Variants in ASAP1 observed in about 807,000 individuals in gnomAD.
ASAP1 encodes the protein arf-GAP with SH3 domain, ANK repeat and PH domain-containing protein 1.
Under a neutral mutation model 145.2 loss-of-function variants are expected in ASAP1, and 43 were observed. The observed-to-expected ratio is 0.30, with a 90% CI of 0.23 to 0.38. The LOEUF (loss-of-function observed/expected upper bound fraction) is 0.38, where lower values mean the gene tolerates loss of function less well. Ranked by LOEUF, ASAP1 falls within the 10% of genes least tolerant of loss-of-function variation. The pLI, the probability that ASAP1 is intolerant of heterozygous loss-of-function variation, is 1.00. For missense variants in ASAP1, 1,018 were observed against 1,355.3 expected, an observed-to-expected ratio of 0.75 and a Z score of 3.91; for synonymous variants, 546 against 515.5, an observed-to-expected ratio of 1.06 and a Z score of -0.80.
chr8:130,428,621 C>A (rs1039273347), intron 1 of ASAP1, among the ~76,000 whole-genome samples: 6 of 147,808 alleles, frequency 4.1e-5, no homozygotes, highest in Middle Eastern at 6.8e-3. Flanking sequence ...ATCATCACCA[C>A]CACCACCACC....
intron 4 of ASAP1, among the ~76,000 whole-genome samples, chr8:130,221,704 C>T (rs377341560): frequency 4.6e-5 from 7 of 152,200 alleles, no homozygotes; most frequent in Admixed American, 1.3e-4. Flanking sequence ...TGTCTTTTGT[C>T]CATATAATTT....
rs146546412 is a variant in ASAP1 at position 130,131,301 on chromosome 8, G to A, written c.1217+2995C>T. On this transcript the variant is annotated intron_variant, in intron 15 of 29. Transcript: ENST00000518721. ...AGAAATTTTTTCATTCAATTTCATC[G>A]AACACTTTCATATGAAAAATAAACT... 4.6e-5 allele frequency among the ~76,000 whole-genome samples: 7 copies of A among 152,096 alleles called. No individual in the cohort carries two copies. The East Asian group carries it at 9.6e-4, about 21-fold the overall frequency.
At chr8:130,119,742 A>C (rs2097562542) in intron 18 of ASAP1, among the ~76,000 whole-genome samples, 1 of 152,116 alleles carries the variant, frequency 6.6e-6, no homozygotes, top group Non-Finnish European at 1.5e-5. Flanking sequence ...TAAATCTTTT[A>C]GTTCTACAGC....
chr8:130,145,991 G>C (rs1293416116), intron 13 of ASAP1, among the ~76,000 whole-genome samples: 1 of 149,892 alleles, frequency 6.7e-6, no homozygotes, highest in African/African-American at 2.5e-5. Context: ...ACAGGCATGT[G>C]CCACCATACC....
intron 2 of ASAP1, among the ~76,000 whole-genome samples, chr8:130,387,521 G>A (rs945944189): frequency 4.0e-5 from 6 of 150,680 alleles, no homozygotes; most frequent in African/African-American, 1.5e-4. Flanking sequence ...GGGTGACAGA[G>A]TGAGACTCCA....
At chr8:130,242,278 A>C (rs1017597562) in intron 3 of ASAP1, among the ~76,000 whole-genome samples, 5 of 150,772 alleles carry the variant, frequency 3.3e-5, no homozygotes, top group African/African-American at 4.9e-5. Context: ...AAAAAAAAAA[A>C]AAAAACAACT....
At chr8:130,347,184 ATCACT>A (rs544869633) in intron 3 of ASAP1, among the ~76,000 whole-genome samples, 1 of 152,362 alleles carries the variant, frequency 6.6e-6, no homozygotes, top group South Asian at 2.1e-4. Flanking sequence ...GCACCATGCC[ATCACT>A]TTGGATTTAG....
intron 3 of ASAP1, among the ~76,000 whole-genome samples, chr8:130,276,519 G>C (rs181831774): frequency 6.6e-6 from 1 of 152,108 alleles, no homozygotes; most frequent in African/African-American, 2.4e-5. Context: ...GGTATCCTCA[G>C]ACAAAAAAGC....
chr8:130,128,057 C>T lies in ASAP1; in HGVS notation c.1251G>A (p.Glu417=). The change falls in exon 16 of 30, where the codon GAG becomes GAA. Residue 417 remains glutamate (E), a synonymous_variant. Coordinates refer to ENST00000518721, the MANE Select transcript of ASAP1 (RefSeq NM_018482.4). ...WISVLTNSKE[E]ALTMAFRGEQ... ...CTCCACGGAAGGCCATGGTTAGGGC[C>T]TCTTCTTTGCTATTTGTCAATACTG... The T allele has an allele frequency of 6.2e-7, 1 of 1,609,154 alleles. No homozygotes were observed. The highest frequency in any genetic ancestry group is 1.1e-5 in the South Asian group (1 of 90,348).
chr8:130,079,251 CTT>C (rs796284816), intron 26 of ASAP1, among the ~76,000 whole-genome samples: 71 of 152,270 alleles, frequency 4.7e-4, no homozygotes, highest in African/African-American at 1.6e-3. Flanking sequence ...AGAGCTGACT[CTT>C]TTTCCCTGAA....
At chr8:130,164,586 C>CA (rs1365218292) in intron 11 of ASAP1, among the ~76,000 whole-genome samples, 2 of 151,922 alleles carry the variant, frequency 1.3e-5, no homozygotes, top group African/African-American at 4.8e-5. Flanking sequence ...GACTCCGTCT[C>CA]AAAAAAACCA....
chr8:130,153,398 C>G (rs956637575), intron 12 of ASAP1, among the ~76,000 whole-genome samples: 6 of 135,832 alleles, frequency 4.4e-5, no homozygotes, highest in Non-Finnish European at 4.7e-5. Flanking sequence ...GAGACAGGGT[C>G]TTGCTCTGAC....
chr8:130,130,625 A>G (rs2097581502), intron 15 of ASAP1, among the ~76,000 whole-genome samples: 1 of 152,204 alleles, frequency 6.6e-6, no homozygotes, highest in Non-Finnish European at 1.5e-5. Flanking sequence ...TTTGAGTTTT[A>G]TAAGATAAAA....
intron 24 of ASAP1, among the ~76,000 whole-genome samples, chr8:130,108,097 TCAA>T (rs1385567196): frequency 1.3e-5 from 2 of 152,192 alleles, no homozygotes; most frequent in African/African-American, 4.8e-5. Flanking sequence ...CACCAACCCT[TCAA>T]CAACAAGCAT....
intron 9 of ASAP1, among the ~76,000 whole-genome samples, chr8:130,172,490 A>C (rs1244028681): frequency 1.3e-5 from 2 of 152,044 alleles, no homozygotes; most frequent in African/African-American, 4.8e-5. Context: ...TTTTTTTTAA[A>C]GGTGAGTTTC....
chr8:130,217,537 T>TAC (rs71302402), intron 4 of ASAP1, among the ~76,000 whole-genome samples: 6,396 of 148,926 alleles, frequency 0.043, 147 homozygotes, highest in Middle Eastern at 0.08. Flanking sequence ...TGTATATATG[T>TAC]ACACACACAC....
chr8:130,224,264 G>C (rs760224409), intron 4 of ASAP1, among the ~76,000 whole-genome samples: 33 of 152,140 alleles, frequency 2.2e-4, no homozygotes, highest in Non-Finnish European at 4.9e-4. Flanking sequence ...TAATAATAAA[G>C]CCATGTAATA....
At chr8:130,197,452 AAAAAG>A (rs1453665787) in intron 5 of ASAP1, among the ~76,000 whole-genome samples, 2 of 99,750 alleles carry the variant, frequency 2.0e-5, no homozygotes, top group African/African-American at 2.9e-5. Context: ...TCTCAAAAGA[AAAAAG>A]AAAAGAAAAG....
At chr8:130,063,013 T>A (rs2097422658) in intron 27 of ASAP1, among the ~76,000 whole-genome samples, 1 of 152,092 alleles carries the variant, frequency 6.6e-6, no homozygotes, top group Non-Finnish European at 1.5e-5. Flanking sequence ...CCAATAAAAA[T>A]TATACTGTTG....
Sources: gnomAD v4.1 joint callset for allele counts (sites outside exome capture counted in the v4.1 genomes callset) on GRCh38, gnomAD v4.1.1 for gene constraint, MANE v1.5 for transcripts, NCBI Gene and HGNC (gene_info 2026-07-23, HGNC 2026-07-21) for gene names.